The following DRC11 variants were observed in gnomAD, a reference collection of about 807,000 sequenced individuals.
DRC11 encodes dynein regulatory complex subunit 11.
the DRC11 span, chr2:236,399,450 A>G: frequency 1.2e-6 from 2 of 1,613,900 alleles, no homozygotes; most frequent in African/African-American, 2.7e-5. The surrounding 1 kb of genome is among the most constrained non-coding windows in gnomAD (Gnocchi z 7.0). Context: ...TTGCAGGAAG[A>G]AAAAGACTTG....
chr2:236,410,812 A>T, the DRC11 span, among the ~76,000 whole-genome samples: 2 of 148,544 alleles, frequency 1.3e-5, no homozygotes, highest in Admixed American at 1.3e-4. Context: ...TCCCTTTTTA[A>T]TAAATGGTGC....
chr2:236,377,219 A>G, the DRC11 span: 14 of 1,353,954 alleles, frequency 1.0e-5, no homozygotes, highest in East Asian at 1.6e-4. This position sits in a 1 kb window ranked among gnomAD's most constrained non-coding sequence, Gnocchi z 4.9. Context: ...TTCCAGAGGC[A>G]CACACACAGA....
chr2:236,479,745 T>C, the DRC11 span, among the ~76,000 whole-genome samples: 10 of 152,228 alleles, frequency 6.6e-5, no homozygotes, highest in African/African-American at 2.4e-5. This position sits in a 1 kb window ranked among gnomAD's most constrained non-coding sequence, Gnocchi z 4.1. Context: ...TTAGTCTTAC[T>C]AGAGATATGA....
the DRC11 span, among the ~76,000 whole-genome samples, chr2:236,343,524 T>C: frequency 6.6e-6 from 1 of 152,216 alleles, no homozygotes; most frequent in Non-Finnish European, 1.5e-5. This position sits in a 1 kb window ranked among gnomAD's most constrained non-coding sequence, Gnocchi z 6.6. Flanking sequence ...TCCAGGCCAG[T>C]GTCTTCCACT....
At chr2:236,372,328 G>A in the DRC11 span, among the ~76,000 whole-genome samples, 11 of 152,170 alleles carry the variant, frequency 7.2e-5, no homozygotes, top group East Asian at 1.4e-3. The surrounding 1 kb of genome is among the most constrained non-coding windows in gnomAD (Gnocchi z 4.5). Context: ...TCTTGACATC[G>A]TTTTCCAGTG....
At chr2:236,498,610 G>A in the DRC11 span, among the ~76,000 whole-genome samples, 2 of 152,146 alleles carry the variant, frequency 1.3e-5, no homozygotes, top group African/African-American at 2.4e-5. Context: ...AGAGGAGTAT[G>A]ACCCTCTTGT....
chr2:236,450,756 T>TG, the DRC11 span, among the ~76,000 whole-genome samples: 67,057 of 151,902 alleles, frequency 0.44, 15,266 homozygotes, highest in African/African-American at 0.5. Context: ...TGTCAGCTCC[T>TG]GGCTCTCCAC....
At chr2:236,498,225 T>C in the DRC11 span, among the ~76,000 whole-genome samples, 2 of 150,892 alleles carry the variant, frequency 1.3e-5, no homozygotes, top group Non-Finnish European at 3.0e-5. Flanking sequence ...CCCAGCACTT[T>C]GGGAGGTCGA....
chr2:236,343,173 C>T, the DRC11 span, among the ~76,000 whole-genome samples: 2 of 152,048 alleles, frequency 1.3e-5, no homozygotes, highest in African/African-American at 2.4e-5. The surrounding 1 kb of genome is among the most constrained non-coding windows in gnomAD (Gnocchi z 6.6). Context: ...TCCCTTTATG[C>T]GAGGGTGTCT....
At chr2:236,493,785 T>C in the DRC11 span, 4 of 1,602,928 alleles carry the variant, frequency 2.5e-6, no homozygotes, top group South Asian at 4.5e-5. Context: ...GATGTATCTA[T>C]TCCGCTGTCC....
the DRC11 span, among the ~76,000 whole-genome samples, chr2:236,335,320 C>T: frequency 5.8e-3 from 888 of 152,282 alleles, 7 homozygotes; most frequent in Non-Finnish European, 5.4e-3. The surrounding 1 kb of genome is among the most constrained non-coding windows in gnomAD (Gnocchi z 5.6). Context: ...ACTTCAAGGT[C>T]ACTGGAGGAA....
the DRC11 span, among the ~76,000 whole-genome samples, chr2:236,480,970 C>T: frequency 1.3e-5 from 2 of 152,202 alleles, no homozygotes; most frequent in African/African-American, 4.8e-5. Context: ...CCCAGGTTTG[C>T]ATTAGCTCTA....
chr2:236,360,259 A>G, the DRC11 span, among the ~76,000 whole-genome samples: 1 of 152,178 alleles, frequency 6.6e-6, no homozygotes, highest in African/African-American at 2.4e-5. The surrounding 1 kb of genome is among the most constrained non-coding windows in gnomAD (Gnocchi z 5.8). Flanking sequence ...AGATCCTATC[A>G]TTGCACTGCA....
At chr2:236,310,569 C>T in the DRC11 span, among the ~76,000 whole-genome samples, 1 of 152,186 alleles carries the variant, frequency 6.6e-6, no homozygotes, top group African/African-American at 2.4e-5. The surrounding 1 kb of genome is among the most constrained non-coding windows in gnomAD (Gnocchi z 5.5). Flanking sequence ...ATTTGCACGA[C>T]CAACTTGGGG....
the DRC11 span, among the ~76,000 whole-genome samples, chr2:236,468,369 G>A: frequency 6.6e-6 from 1 of 152,198 alleles, no homozygotes; most frequent in Non-Finnish European, 1.5e-5. Context: ...TGGGATCACA[G>A]GGGTGAACGA....
chr2:236,477,911 T>C, the DRC11 span, among the ~76,000 whole-genome samples: 3 of 152,084 alleles, frequency 2.0e-5, no homozygotes, highest in Non-Finnish European at 2.9e-5. Flanking sequence ...TTTCCTTTAT[T>C]TTGGTCTTCT....
the DRC11 span, chr2:236,363,906 C>G: frequency 6.2e-7 from 1 of 1,614,004 alleles, no homozygotes; most frequent in East Asian, 2.2e-5. This position sits in a 1 kb window ranked among gnomAD's most constrained non-coding sequence, Gnocchi z 5.6. Context: ...CCAGCATTTT[C>G]TTCCCTACCC....
the DRC11 span, among the ~76,000 whole-genome samples, chr2:236,448,765 G>C: frequency 6.6e-6 from 1 of 152,190 alleles, no homozygotes. This position sits in a 1 kb window ranked among gnomAD's most constrained non-coding sequence, Gnocchi z 5.3. Context: ...TCGGGGCAGA[G>C]ACTATCACGC....
chr2:236,486,781 T>A, the DRC11 span: 1 of 1,226,948 alleles, frequency 8.2e-7, no homozygotes, highest in Middle Eastern at 1.9e-4. This position sits in a 1 kb window ranked among gnomAD's most constrained non-coding sequence, Gnocchi z 5.7. Flanking sequence ...TCTCACATAT[T>A]CTATTGTCTT....
Sources: allele counts gnomAD v4.1 joint callset (sites outside exome capture counted in the v4.1 genomes callset), GRCh38; gene constraint gnomAD v4.1.1; non-coding constraint Gnocchi (gnomAD v3.1); transcripts MANE v1.5; gene names NCBI Gene and HGNC (gene_info 2026-07-23, HGNC 2026-07-21).